TBC1D14: variants seen among roughly 807,000 people sequenced by gnomAD.
TBC1D14 encodes TBC1 domain family member 14.
Under a neutral mutation model 79.0 loss-of-function variants are expected in TBC1D14, and 26 were observed. That is an observed-to-expected ratio of 0.33 (90% CI 0.24 to 0.46). The LOEUF is 0.46. Among genes scored for constraint, TBC1D14 ranks in the 20% least tolerant of loss-of-function variants. The pLI is 1.00. For missense variants in TBC1D14, 769 were observed against 887.6 expected, an observed-to-expected ratio of 0.87 and a Z score of 1.70; for synonymous variants, 394 against 349.9, an observed-to-expected ratio of 1.13 and a Z score of -1.40.
At chr4:6,979,604 G>A (rs1021077218) in intron 3 of TBC1D14, among the ~76,000 whole-genome samples, 1 of 152,086 alleles carries the variant, frequency 6.6e-6, no homozygotes, top group South Asian at 2.1e-4. Context: ...GAGTGACAGA[G>A]TGAGACCCTA....
chr4:6,909,679 C>T (rs1393809043), upstream of TBC1D14, among the ~76,000 whole-genome samples: 12 of 151,364 alleles, frequency 7.9e-5, no homozygotes, highest in Admixed American at 6.6e-4. Context: ...GAGCGCCGAG[C>T]TCCAGACGCG....
chr4:7,013,520 A>G (rs556741176), intron 11 of TBC1D14, among the ~76,000 whole-genome samples: 2 of 152,310 alleles, frequency 1.3e-5, no homozygotes, highest in Non-Finnish European at 2.9e-5. Context: ...CCAGCTTTGT[A>G]CATTTTGCTT....
chr4:6,999,001 C>T (rs946249567), intron 5 of TBC1D14, 84 bp from the exon 6 acceptor site: 15 of 1,356,626 alleles, frequency 1.1e-5, no homozygotes, highest in Admixed American at 7.1e-5. Flanking sequence ...CTGGTGTGTT[C>T]GCAGTGTGAC....
At chr4:6,948,650 T>A (rs1019388773) in intron 2 of TBC1D14, among the ~76,000 whole-genome samples, 3 of 151,056 alleles carry the variant, frequency 2.0e-5, no homozygotes, top group African/African-American at 7.3e-5. Context: ...TTCCGAAAGG[T>A]GATATTGTCA....
At chr4:6,933,861 C>A (rs549896026) in intron 2 of TBC1D14, among the ~76,000 whole-genome samples, 1 of 152,224 alleles carries the variant, frequency 6.6e-6, no homozygotes, top group East Asian at 1.9e-4. Context: ...GAGGCTGTTG[C>A]AAGAGTCCAG....
intron 2 of TBC1D14, among the ~76,000 whole-genome samples, chr4:6,942,748 C>G (rs1180465842): frequency 6.6e-6 from 1 of 152,062 alleles, no homozygotes; most frequent in Non-Finnish European, 1.5e-5. Flanking sequence ...GAACCAGGCA[C>G]GAGGAAGAAG....
intron 1 of TBC1D14, among the ~76,000 whole-genome samples, chr4:6,921,699 T>G: frequency 6.8e-6 from 1 of 146,484 alleles, no homozygotes; most frequent in African/African-American, 2.5e-5. Context: ...GCTAATTTTT[T>G]TTTTTTTTTT....
At chr4:6,941,166 T>C (rs1269975763) in intron 2 of TBC1D14, among the ~76,000 whole-genome samples, 3 of 150,836 alleles carry the variant, frequency 2.0e-5, no homozygotes, top group Non-Finnish European at 4.4e-5. Context: ...CTTGCCTGTA[T>C]CTGAGGAAAG....
At chr4:6,981,401 T>C (rs2109098662) in intron 3 of TBC1D14, among the ~76,000 whole-genome samples, 1 of 152,286 alleles carries the variant, frequency 6.6e-6, no homozygotes, top group East Asian at 1.9e-4. Context: ...CAAGATGAAA[T>C]AGATAACCTG....
intron 1 of TBC1D14, among the ~76,000 whole-genome samples, chr4:6,920,790 T>A (rs180769303): frequency 2.0e-5 from 3 of 152,324 alleles, no homozygotes; most frequent in Admixed American, 6.5e-5. Flanking sequence ...ATTTCTTTTT[T>A]ACTTTGAGAC....
At position 6,945,749 on chromosome 4, in the gene TBC1D14, C is replaced by CAAAA. The variant is rs71173472; in HGVS notation, c.723-21524_723-21521dup. Among the ~76,000 whole-genome samples the CAAAA allele has an allele frequency of 6.5e-3, 417 of 64,124 alleles. 6 individuals are homozygous for CAAAA. Among genetic ancestry groups the CAAAA allele is most frequent in the Admixed American group, 8.8e-3 (35 of 3,972 alleles). 42.1% of individuals were successfully genotyped at this position (64,124 alleles called of 152,430 possible). A position where few individuals can be genotyped will look rare whatever the true frequency, so the allele number is the denominator to read the frequency against. The stretch of plus-strand genomic sequence containing the variant: ...GGGCAACTAGAGCAAAACTGCGTCT[C>CAAAA]AAAAAAAAAAAAAAAAAAAAAAAAA... On this transcript the variant is annotated intron_variant, in intron 2 of 13. Coordinates refer to ENST00000409757, the MANE Select transcript of TBC1D14 (RefSeq NM_020773.3).
chr4:6,988,712 A>G (rs1387830922), intron 3 of TBC1D14, among the ~76,000 whole-genome samples: 3 of 152,174 alleles, frequency 2.0e-5, no homozygotes, highest in Admixed American at 2.0e-4. Flanking sequence ...TCTTCTAGGT[A>G]AAATAGATTT....
intron 1 of TBC1D14, among the ~76,000 whole-genome samples, chr4:6,916,242 G>T (rs73796376): frequency 6.6e-6 from 1 of 152,164 alleles, no homozygotes; most frequent in Non-Finnish European, 1.5e-5. Context: ...TAGGACAGTG[G>T]TGCCCCCTTG....
At chr4:7,018,892 T>A (rs1364036498) in intron 12 of TBC1D14, among the ~76,000 whole-genome samples, 2 of 152,236 alleles carry the variant, frequency 1.3e-5, no homozygotes, top group Non-Finnish European at 2.9e-5. Flanking sequence ...GAGGTGTGAG[T>A]GAGCTTTATA....
intron 12 of TBC1D14, among the ~76,000 whole-genome samples, chr4:7,016,838 T>C (rs1168415314): frequency 2.0e-5 from 3 of 152,196 alleles, no homozygotes; most frequent in African/African-American, 4.8e-5. Flanking sequence ...GCCTGGAGAA[T>C]AGTGTTGTCT....
intron 1 of TBC1D14, among the ~76,000 whole-genome samples, chr4:6,920,003 C>G (rs536770904): frequency 6.6e-5 from 10 of 151,684 alleles, no homozygotes; most frequent in Non-Finnish European, 1.2e-4. Context: ...CTGTCTTGAA[C>G]TCCTGGGCTC....
intron 2 of TBC1D14, among the ~76,000 whole-genome samples, chr4:6,958,127 C>G (rs1182882583): frequency 6.6e-6 from 1 of 152,144 alleles, no homozygotes; most frequent in East Asian, 1.9e-4. Context: ...TGCTCTGTGT[C>G]CCACTCAGCA....
chr4:6,931,647 C>T (rs1711751743), intron 2 of TBC1D14, among the ~76,000 whole-genome samples: 1 of 152,172 alleles, frequency 6.6e-6, no homozygotes, highest in South Asian at 2.1e-4. Flanking sequence ...TGTGCTGCTT[C>T]CCTGTGCTTT....
chr4:6,935,930 C>T (rs1471746161), intron 2 of TBC1D14, among the ~76,000 whole-genome samples: 1 of 152,226 alleles, frequency 6.6e-6, no homozygotes, highest in Non-Finnish European at 1.5e-5. Flanking sequence ...AGGCATGAGC[C>T]ACCGTGCCCG....
Sources: allele counts gnomAD v4.1 joint callset (sites outside exome capture counted in the v4.1 genomes callset), GRCh38; gene constraint gnomAD v4.1.1; transcripts MANE v1.5; gene names NCBI Gene and HGNC (gene_info 2026-07-23, HGNC 2026-07-21).